The following PRKCB variants were observed in gnomAD, a reference collection of about 807,000 sequenced individuals.
The protein encoded by PRKCB is protein kinase C beta, also known as protein kinase C beta type.
A neutral mutation model predicts 81.5 loss-of-function variants in PRKCB; 13 were observed. The observed-to-expected ratio is 0.16, with a 90% confidence interval of 0.10 to 0.25. The LOEUF (loss-of-function observed/expected upper bound fraction) is 0.25. Among genes scored for constraint, PRKCB ranks in the 10% least tolerant of loss-of-function variants. PRKCB has a pLI of 1.00. For missense variants in PRKCB, 509 were observed against 875.7 expected (o/e 0.58, Z 5.29); for synonymous variants, 335 against 321.4 (o/e 1.04, Z -0.45).
chr16:23,877,743 C>T (rs748002972), intron 2 of PRKCB, among the ~76,000 whole-genome samples: 4 of 152,054 alleles, frequency 2.6e-5, no homozygotes, highest in Non-Finnish European at 5.9e-5. Flanking sequence ...CTACATCACA[C>T]TTAGTATGTG....
intron 2 of PRKCB, among the ~76,000 whole-genome samples, chr16:23,902,965 AC>A (rs1963505820): frequency 7.2e-6 from 1 of 139,690 alleles, no homozygotes; most frequent in Non-Finnish European, 1.5e-5. Flanking sequence ...CATCATGTCT[AC>A]CTAATTTTTA....
chr16:24,019,409 A>G (rs541079577), intron 3 of PRKCB, among the ~76,000 whole-genome samples: 197 of 152,268 alleles, frequency 1.3e-3, no homozygotes, highest in African/African-American at 4.6e-3. Flanking sequence ...TCACACACAC[A>G]AAAGGTACCA....
chr16:23,957,924 T>G (rs930066436), intron 2 of PRKCB, among the ~76,000 whole-genome samples: 18 of 152,334 alleles, frequency 1.2e-4, no homozygotes, highest in African/African-American at 4.1e-4. Context: ...AAAACAGTCA[T>G]GAAATGGCAC....
chr16:24,186,893 T>C (rs943475404), intron 15 of PRKCB, among the ~76,000 whole-genome samples: 3 of 152,126 alleles, frequency 2.0e-5, no homozygotes, highest in Non-Finnish European at 4.4e-5. Context: ...ATCCCGAACA[T>C]CTAAAGTGAA....
intron 9 of PRKCB, among the ~76,000 whole-genome samples, chr16:24,132,648 G>C (rs1401202300): frequency 6.6e-6 from 1 of 152,060 alleles, no homozygotes; most frequent in African/African-American, 2.4e-5. Context: ...TGCAGCTACT[G>C]TTGTCCCCAT....
intron 5 of PRKCB, among the ~76,000 whole-genome samples, chr16:24,044,498 A>G (rs1423845853): frequency 1.3e-5 from 2 of 152,226 alleles, no homozygotes; most frequent in Non-Finnish European, 2.9e-5. Flanking sequence ...TTCTATAGGT[A>G]TATTATACTT....
At chr16:24,130,169 A>G (rs1052403460) in intron 9 of PRKCB, among the ~76,000 whole-genome samples, 2 of 152,242 alleles carry the variant, frequency 1.3e-5, no homozygotes, top group African/African-American at 4.8e-5. Context: ...GTAAAATTAC[A>G]CACACTGAAA....
intron 3 of PRKCB, among the ~76,000 whole-genome samples, chr16:24,009,512 C>T (rs1258521386): frequency 6.6e-6 from 1 of 151,098 alleles, no homozygotes; most frequent in Non-Finnish European, 1.5e-5. Flanking sequence ...GCAACCTCCA[C>T]CTCCCGGGTT....
At position 24,216,651 on chromosome 16, in the gene PRKCB, T is replaced by A; in HGVS notation, c.*1835T>A. 1 of 985,460 alleles carries A rather than the reference T, an allele frequency of 1.0e-6. No homozygotes were observed. The highest frequency in any genetic ancestry group is 1.2e-6 in the Non-Finnish European group (1 of 829,968). The allele number at this position is 985,460 out of a possible 1,614,324, so 61.0% of individuals were successfully genotyped here. ...GTCTCCTGCAGTTCATCCTTCTCTG[T>A]CCTCTTCTTGCTTCAGGCTTGGGGA... On this transcript the variant is annotated 3_prime_UTR_variant, in exon 17 of 17. Coordinates refer to ENST00000643927, the MANE Select transcript of PRKCB (RefSeq NM_002738.7).
chr16:23,862,488 G>A (rs1962686335), intron 2 of PRKCB, among the ~76,000 whole-genome samples: 2 of 152,220 alleles, frequency 1.3e-5, no homozygotes, highest in Admixed American at 6.5e-5. Context: ...GCTGACAGCA[G>A]CTTGCGTTCA....
At chr16:23,915,531 C>CAAAATACA (rs1963724154) in intron 2 of PRKCB, among the ~76,000 whole-genome samples, 3 of 151,774 alleles carry the variant, frequency 2.0e-5, no homozygotes, top group African/African-American at 7.3e-5. Flanking sequence ...ATAAAAAATA[C>CAAAATACA]AAAATACAAA....
intron 10 of PRKCB, among the ~76,000 whole-genome samples, chr16:24,160,495 G>A (rs1429361057): frequency 3.3e-5 from 5 of 151,998 alleles, no homozygotes; most frequent in African/African-American, 7.3e-5. Flanking sequence ...TCCCTAAAAG[G>A]GCATTACTGC....
rs1218799578 is a variant in PRKCB at position 24,004,492 on chromosome 16, A to AG, written c.288+15902_288+15903insG. Among the ~76,000 whole-genome samples the AG allele has an allele frequency of 4.0e-3, 609 of 151,154 alleles. 1 individual carries two copies. The highest frequency in any genetic ancestry group is 5.6e-3 in the Non-Finnish European group (381 of 67,772). On this transcript the variant is annotated intron_variant, in intron 3 of 16. Transcript: ENST00000643927. ...CCAAGTCTCTACAAAAAAAAAAAAA[A>AG]AAAAAAGAAAAAATTAGCCAGGCAT...
intron 4 of PRKCB, among the ~76,000 whole-genome samples, chr16:24,033,239 A>G (rs1445786084): frequency 1.3e-5 from 2 of 152,192 alleles, no homozygotes; most frequent in African/African-American, 4.8e-5. Flanking sequence ...CCCAGAGGAC[A>G]GAGGGAGAAA....
intron 9 of PRKCB, among the ~76,000 whole-genome samples, chr16:24,133,368 T>C (rs902550269): frequency 3.3e-5 from 5 of 152,320 alleles, no homozygotes; most frequent in African/African-American, 1.2e-4. Flanking sequence ...ACATGTGCCC[T>C]GTGCTCATTG....
chr16:24,144,345 G>T (rs1179142332), intron 9 of PRKCB, among the ~76,000 whole-genome samples: 2 of 152,152 alleles, frequency 1.3e-5, no homozygotes, highest in African/African-American at 4.8e-5. Flanking sequence ...CCAGGCTGGA[G>T]TGCAGTGGCA....
At chr16:23,849,008 TA>T (rs1962425971) in intron 2 of PRKCB, among the ~76,000 whole-genome samples, 1 of 152,214 alleles carries the variant, frequency 6.6e-6, no homozygotes, top group Non-Finnish European at 1.5e-5. Context: ...TCAATAGCAT[TA>T]GCTGCACCTT....
chr16:24,139,564 AC>A (rs1363918191), intron 9 of PRKCB, among the ~76,000 whole-genome samples: 1 of 152,160 alleles, frequency 6.6e-6, no homozygotes, highest in Non-Finnish European at 1.5e-5. Context: ...GGCTAAATGC[AC>A]CTTCATTCTA....
intron 16 of PRKCB, among the ~76,000 whole-genome samples, chr16:24,193,456 T>TAAATAAATAAATAAATA (rs1555501754): frequency 3.5e-4 from 22 of 62,532 alleles, no homozygotes; most frequent in African/African-American, 1.4e-3. Context: ...AATAAATAAA[T>TAAATAAATAAATAAATA]AAATAAATAA....
Sources: allele counts gnomAD v4.1 joint callset (sites outside exome capture counted in the v4.1 genomes callset), GRCh38; gene constraint gnomAD v4.1.1; transcripts MANE v1.5; gene names NCBI Gene and HGNC (gene_info 2026-07-23, HGNC 2026-07-21).